DNAH14: variants seen among roughly 807,000 people sequenced by gnomAD.
The protein encoded by DNAH14 is axonemal beta dynein heavy chain 14.
A neutral mutation model predicts 520.9 loss-of-function variants in DNAH14; 478 were observed. The ratio of observed to expected loss-of-function variants is 0.92; its 90% CI spans 0.85 to 0.99. The LOEUF (loss-of-function observed/expected upper bound fraction) is 0.99, where lower values mean the gene tolerates loss of function less well. Among genes scored for constraint, DNAH14 ranks in the 50% least tolerant of loss-of-function variants. The pLI is 0.00. For synonymous variants in DNAH14, 1,581 were observed against 1,757.2 expected (o/e 0.90, Z 2.51); for missense variants, 4,831 against 5,234.5 (o/e 0.92, Z 2.38).
chr1:225,389,600 CTGA>C, intron 82 of DNAH14, 131 bp from the exon 83 acceptor site: 1 of 998,714 alleles, frequency 1.0e-6, no homozygotes, highest in Non-Finnish European at 1.4e-6. Context: ...ATTCAAGGGC[CTGA>C]TAAGAGTCCT....
At chr1:225,354,426 G>A (rs567554695) in intron 73 of DNAH14, among the ~76,000 whole-genome samples, 2 of 152,270 alleles carry the variant, frequency 1.3e-5, no homozygotes, top group East Asian at 3.9e-4. Context: ...GCTGAGGGTA[G>A]AGGTTGGTGG....
chr1:225,129,041 A>G lies in DNAH14; in HGVS notation c.4254+5427A>G, dbSNP rs2078084919. ...ACCAATAACAGACAAACAGAGAGCCAAATCATGAGTGAACTCCCATTCACA... is the reference window on the plus strand; with the variant it reads ...ACCAATAACAGACAAACAGAGAGCCGAATCATGAGTGAACTCCCATTCACA... On this transcript the variant is annotated intron_variant, in intron 27 of 85. Coordinates refer to ENST00000682510, the MANE Select transcript of DNAH14 (RefSeq NM_001367479.1). Among the ~76,000 whole-genome samples, 6 of 152,132 alleles carry G rather than the reference A, an allele frequency of 3.9e-5. No individual in the cohort carries two copies. The South Asian group carries it at 1.2e-3, about 31-fold the overall frequency.
At position 225,388,386 on chromosome 1, in the gene DNAH14, C is replaced by T; in HGVS notation, c.13085C>T (p.Ala4362Val). 6.6e-7 allele frequency: 1 copy of T among 1,515,100 alleles called. No homozygotes were observed. The highest frequency in any genetic ancestry group is 8.9e-7 in the Non-Finnish European group (1 of 1,118,514). The allele number at this position is 1,515,100 out of a possible 1,614,324, so 93.9% of individuals were successfully genotyped here. The change falls in exon 82 of 86, where the codon GCC (alanine) becomes GTC (valine). Residue 4362 changes from alanine to valine, a missense_variant. Coordinates refer to ENST00000682510, the MANE Select transcript of DNAH14 (RefSeq NM_001367479.1). ...MRVPTLWQKH[A>V]YRSCKPLSSW... The stretch of plus-strand genomic sequence containing the variant: ...GTCTTTAAATCCCAACAGAAACACG[C>T]CTACAGATCTTGTAAGCCACTGAGT...
chr1:225,300,300 C>T lies in DNAH14; in HGVS notation c.8470-569C>T, dbSNP rs371244452. Among the ~76,000 whole-genome samples, 4 of 152,252 alleles carry T rather than the reference C, an allele frequency of 2.6e-5. No homozygotes were observed. The South Asian group carries it at 6.2e-4, about 24-fold the overall frequency. Reference sequence around the variant, plus strand: ...CTCCTCCATACCTCTTTTCTCAGTGCCTGTCACAGCTATTTGGCATACTCT... The same window carrying T: ...CTCCTCCATACCTCTTTTCTCAGTGTCTGTCACAGCTATTTGGCATACTCT... On this transcript the variant is annotated intron_variant, in intron 55 of 85. Coordinates refer to ENST00000682510, the MANE Select transcript of DNAH14 (RefSeq NM_001367479.1).
chr1:224,966,345 C>T (rs2061165520), intron 5 of DNAH14, among the ~76,000 whole-genome samples: 1 of 152,066 alleles, frequency 6.6e-6, no homozygotes, highest in Non-Finnish European at 1.5e-5. Context: ...CATTTAGTTA[C>T]ACAATAGCTT....
At position 225,351,891 on chromosome 1, in the gene DNAH14, A is replaced by G; in HGVS notation, c.11533+8A>G. 1.9e-6 allele frequency: 3 copies of G among 1,547,332 alleles called. No individual in the cohort carries two copies. The highest frequency in any genetic ancestry group is 2.7e-5 in the African/African-American group (2 of 73,010). On this transcript the variant is annotated splice_region_variant and intron_variant, in intron 72 of 85. Transcript: ENST00000682510. ...CAAAACCACCAGAGGAAAGTAAGAA[A>G]GCATTCAGTGTTTTAACCTAACTTA...
At chr1:225,194,779 C>A (rs931516732) in intron 38 of DNAH14, among the ~76,000 whole-genome samples, 1 of 151,496 alleles carries the variant, frequency 6.6e-6, no homozygotes, top group African/African-American at 2.4e-5. Flanking sequence ...CGATAAAAAT[C>A]TAATATCTGG....
Position 225,271,916 on chromosome 1 carries a change from G to T in DNAH14, c.7682G>T (p.Gly2561Val). 6.5e-7 allele frequency: 1 copy of T among 1,542,070 alleles called. No homozygotes were observed. Among genetic ancestry groups the T allele is most frequent in the Non-Finnish European group, 8.7e-7 (1 of 1,144,560 alleles). ...ILCTIFQAHL[G>V]IYFSINNFTP... ...CATTTCTTTTTAAAGGCTCATTTGGGAATTTATTTCTCCATCAATAACTTC... is the reference window on the plus strand; with the variant it reads ...CATTTCTTTTTAAAGGCTCATTTGGTAATTTATTTCTCCATCAATAACTTC... Residue 2561 changes from glycine to valine, a missense_variant, in exon 51 of 86, where the codon GGA becomes GTA. By Grantham distance (109) the Gly-to-Val change is moderately radical. Transcript: ENST00000682510.
chr1:225,009,417 A>T (rs2064492469), intron 10 of DNAH14, among the ~76,000 whole-genome samples: 1 of 151,804 alleles, frequency 6.6e-6, no homozygotes, highest in Admixed American at 6.6e-5. Context: ...ATGGTTGTAG[A>T]TGTGTGATGT....
At chr1:225,205,950 T>C in intron 39 of DNAH14, 21 bp from the exon 40 acceptor site, 1 of 1,537,912 alleles carries the variant, frequency 6.5e-7, no homozygotes, top group South Asian at 1.2e-5. Context: ...TCAGTTACAT[T>C]AAAAATATTT....
intron 65 of DNAH14, among the ~76,000 whole-genome samples, chr1:225,332,926 C>T (rs2094832909): frequency 6.6e-6 from 1 of 151,932 alleles, no homozygotes; most frequent in Admixed American, 6.6e-5. Context: ...ATCACATGAG[C>T]CCAAGAGATC....
At chr1:225,056,041 G>T (rs1489711124) in intron 17 of DNAH14, among the ~76,000 whole-genome samples, 1 of 151,822 alleles carries the variant, frequency 6.6e-6, no homozygotes, top group East Asian at 1.9e-4. Context: ...AATCCTTTGG[G>T]TATATACCCA....
Position 225,335,403 on chromosome 1 carries a change from A to G in DNAH14, c.10081-1863A>G, listed in dbSNP as rs1211051036. Among the ~76,000 whole-genome samples, 86 of 89,740 alleles carry G rather than the reference A, an allele frequency of 9.6e-4. 9 individuals carry two copies. The East Asian group carries it at 0.04, about 41-fold the overall frequency. The allele number at this position is 89,740 out of a possible 152,430, so 58.9% of individuals were successfully genotyped here. On this transcript the variant is annotated intron_variant, in intron 66 of 85. Coordinates refer to ENST00000682510, the MANE Select transcript of DNAH14 (RefSeq NM_001367479.1). ...TATATGCACATATACACATGTGTACATGTGTGTGTATGCACATATGCACGT... is the reference window on the plus strand; with the variant it reads ...TATATGCACATATACACATGTGTACGTGTGTGTGTATGCACATATGCACGT...
intron 83 of DNAH14, among the ~76,000 whole-genome samples, chr1:225,390,117 G>A (rs1288415810): frequency 6.6e-6 from 1 of 152,108 alleles, no homozygotes; most frequent in East Asian, 1.9e-4. Context: ...CGCCTTGGCA[G>A]GTCACTGTAT....
chr1:225,107,368 C>T (rs12405125), intron 23 of DNAH14, among the ~76,000 whole-genome samples: 6 of 152,160 alleles, frequency 3.9e-5, no homozygotes, highest in Admixed American at 2.0e-4. Context: ...TCTCCAGCTG[C>T]GTACTGCTTT....
chr1:225,018,357 A>G (rs1239536654), intron 10 of DNAH14, among the ~76,000 whole-genome samples: 2 of 152,216 alleles, frequency 1.3e-5, no homozygotes, highest in African/African-American at 4.8e-5. Context: ...AGAAGTTTAA[A>G]AATGAACACA....
Position 225,097,251 on chromosome 1 carries a change from A to C in DNAH14, c.3695+12A>C. ...TCAGAAATACGAAGGTAAAATACCTAAAATATACCATATACAGGTTCAAAA... is the reference window on the plus strand; with the variant it reads ...TCAGAAATACGAAGGTAAAATACCTCAAATATACCATATACAGGTTCAAAA... On this transcript the variant is annotated intron_variant, in intron 22 of 85. Transcript: ENST00000682510. 1 of 1,547,008 alleles carries C rather than the reference A, an allele frequency of 6.5e-7. No individual in the cohort carries two copies. The highest frequency in any genetic ancestry group is 1.4e-5 in the African/African-American group (1 of 72,992).
chr1:225,142,114 T>C (rs1391726068), intron 28 of DNAH14, among the ~76,000 whole-genome samples: 3 of 152,182 alleles, frequency 2.0e-5, no homozygotes, highest in Admixed American at 6.5e-5. Flanking sequence ...CCAAAGAGGA[T>C]ATATTGTATT....
chr1:225,079,144 G>C, intron 17 of DNAH14, 63 bp from the exon 18 acceptor site: 1 of 1,365,162 alleles, frequency 7.3e-7, no homozygotes. Flanking sequence ...ATTAAAAAGA[G>C]TAATTAGTCT....
Sources: gnomAD v4.1 joint callset for allele counts (sites outside exome capture counted in the v4.1 genomes callset) on GRCh38, gnomAD v4.1.1 for gene constraint, MANE v1.5 for transcripts, NCBI Gene and HGNC (gene_info 2026-07-23, HGNC 2026-07-21) for gene names.